The following MMP26 variants were observed in gnomAD, a reference collection of about 807,000 sequenced individuals.
MMP26 encodes matrix metalloproteinase-26.
MMP26 carries 33 observed loss-of-function variants against 31.0 expected under a neutral mutation model. The observed-to-expected ratio is 1.06, with a 90% CI of 0.81 to 1.42. The LOEUF is 1.42. Ranked by LOEUF, MMP26 falls within the 40% of genes most tolerant of loss-of-function variation. The pLI is 0.00. For synonymous variants in MMP26, 122 were observed against 114.9 expected, an observed-to-expected ratio of 1.06 and a Z score of -0.40; for missense variants, 347 against 316.1, an observed-to-expected ratio of 1.10 and a Z score of -0.74.
intron 2 of MMP26, chr11:4,914,889 G>T (rs1490231379): frequency 2.5e-6 from 4 of 1,614,056 alleles, no homozygotes; most frequent in Non-Finnish European, 3.4e-6. Context: ...CCAATCATGG[G>T]AGTGTAGAAG....
At chr11:4,749,661 A>C (rs1028355600) in intron 1 of MMP26, among the ~76,000 whole-genome samples, 10 of 152,142 alleles carry the variant, frequency 6.6e-5, no homozygotes, top group African/African-American at 2.4e-4. Flanking sequence ...AGTGTTGACA[A>C]AAACATACAC....
chr11:4,747,874 T>C (rs773129978), intron 1 of MMP26, among the ~76,000 whole-genome samples: 1 of 151,862 alleles, frequency 6.6e-6, no homozygotes, highest in Non-Finnish European at 1.5e-5. Context: ...TAACCTAACA[T>C]CATACATCAA....
chr11:4,767,719 G>T (rs1166820843), intron 2 of MMP26, among the ~76,000 whole-genome samples: 1 of 151,858 alleles, frequency 6.6e-6, no homozygotes, highest in Non-Finnish European at 1.5e-5. Context: ...TGCAAAAATA[G>T]GCTCTTGCAA....
chr11:4,975,046 C>A (rs1230543906), intron 2 of MMP26, among the ~76,000 whole-genome samples: 2 of 151,976 alleles, frequency 1.3e-5, no homozygotes. Context: ...GTGCAGCAAA[C>A]CACCCTGGCA....
intron 2 of MMP26, chr11:4,882,897 T>G: frequency 6.3e-7 from 1 of 1,597,652 alleles, no homozygotes; most frequent in Non-Finnish European, 8.6e-7. Flanking sequence ...TAGGAAATTG[T>G]CAGGACACGA....
chr11:4,794,301 G>A (rs1319287294), intron 2 of MMP26: 4 of 152,132 alleles, frequency 2.6e-5, no homozygotes, highest in Admixed American at 1.3e-4. Flanking sequence ...CCAAAGAATA[G>A]ACTCAGAGAC....
intron 2 of MMP26, among the ~76,000 whole-genome samples, chr11:4,924,928 T>C (rs17338048): frequency 0.089 from 13,497 of 152,250 alleles, 798 homozygotes; most frequent in Non-Finnish European, 0.12. Context: ...TTCTCCTTTG[T>C]TCTGCCTTCA....
rs115539128 is a variant in MMP26 at position 4,831,086 on chromosome 11, G to C, written c.-145+63745G>C. On this transcript the variant is annotated intron_variant, in intron 2 of 7. Coordinates refer to ENST00000380390, the MANE Select transcript of MMP26 (RefSeq NM_021801.5). ...TCCTTAAAAAATTTTGCAGCATACA[G>C]AGTAGCTGCTAGTTCCCCTTTCCTT... is the stretch of plus-strand genomic sequence containing the variant. Among the ~76,000 whole-genome samples, 522 of 152,318 alleles carry C rather than the reference G, an allele frequency of 3.4e-3. 2 individuals are homozygous for C. Among genetic ancestry groups the C allele is most frequent in the African/African-American group, 1.0e-2 (415 of 41,568 alleles).
At chr11:4,986,464 C>T (rs2133645065) in intron 2 of MMP26, among the ~76,000 whole-genome samples, 1 of 150,520 alleles carries the variant, frequency 6.6e-6, no homozygotes, top group Admixed American at 6.6e-5. Flanking sequence ...CCTCCCACCT[C>T]AGCCTCCTGA....
intron 2 of MMP26, among the ~76,000 whole-genome samples, chr11:4,965,276 C>T (rs905783187): frequency 6.6e-6 from 1 of 152,198 alleles, no homozygotes; most frequent in Middle Eastern, 3.4e-3. Flanking sequence ...AGATCACATC[C>T]TAGCAAGCCG....
chr11:4,851,810 A>G (rs1437498369), intron 2 of MMP26, among the ~76,000 whole-genome samples: 2 of 152,102 alleles, frequency 1.3e-5, no homozygotes, highest in Admixed American at 6.5e-5. Context: ...ATAAAATGGT[A>G]AAAAAATAAA....
chr11:4,923,834 T>C (rs762455459), intron 2 of MMP26: 14 of 1,613,796 alleles, frequency 8.7e-6, no homozygotes. Flanking sequence ...GTGGCAGTAT[T>C]GGAAGCGCTT....
chr11:4,820,647 C>T (rs903626101), intron 2 of MMP26, among the ~76,000 whole-genome samples: 2 of 151,986 alleles, frequency 1.3e-5, no homozygotes, highest in African/African-American at 2.4e-5. Context: ...TTCTCCTCCT[C>T]CTCTGTCATC....
At chr11:4,706,577 C>CAAAAAAAAAAAAAAA (rs71050423) in intron 1 of MMP26, among the ~76,000 whole-genome samples, 5 of 87,568 alleles carry the variant, frequency 5.7e-5, no homozygotes, top group Non-Finnish European at 8.4e-5. Flanking sequence ...GACCCTATCT[C>CAAAAAAAAAAAAAAA]AAAAAAAAAA....
chr11:4,848,450 AG>A, intron 2 of MMP26: 1 of 1,613,816 alleles, frequency 6.2e-7, no homozygotes, highest in South Asian at 1.1e-5. Context: ...GGAGCACTGC[AG>A]AGAGGTGGGC....
intron 2 of MMP26, among the ~76,000 whole-genome samples, chr11:4,844,322 CT>C (rs1212996364): frequency 1.3e-5 from 2 of 152,154 alleles, no homozygotes; most frequent in Non-Finnish European, 2.9e-5. Context: ...GGATTCACTG[CT>C]GAATTCCACC....
At chr11:4,970,846 G>A (rs752056728) in intron 2 of MMP26, among the ~76,000 whole-genome samples, 2 of 152,098 alleles carry the variant, frequency 1.3e-5, no homozygotes, top group Non-Finnish European at 2.9e-5. Flanking sequence ...GCCCTAGATG[G>A]GCTGATTCTC....
At chr11:4,846,317 G>T (rs1849866262) in intron 2 of MMP26, among the ~76,000 whole-genome samples, 1 of 152,136 alleles carries the variant, frequency 6.6e-6, no homozygotes, top group African/African-American at 2.4e-5. Context: ...AACAAACATT[G>T]CATGTTCTCA....
intron 1 of MMP26, among the ~76,000 whole-genome samples, chr11:4,726,903 A>C (rs996694539): frequency 2.6e-5 from 4 of 152,102 alleles, no homozygotes; most frequent in Non-Finnish European, 5.9e-5. Flanking sequence ...CTAGCTACTC[A>C]GGAGGCTGAG....
Sources: gnomAD v4.1 joint callset for allele counts (sites outside exome capture counted in the v4.1 genomes callset) on GRCh38, gnomAD v4.1.1 for gene constraint, MANE v1.5 for transcripts, NCBI Gene and HGNC (gene_info 2026-07-23, HGNC 2026-07-21) for gene names.